The following NEK7 variants were observed in gnomAD, a reference collection of about 807,000 sequenced individuals.
NEK7 encodes NIMA related kinase 7, also known as serine/threonine-protein kinase Nek7.
In NEK7, 18 loss-of-function variants were observed where a neutral mutation model predicts 44.6. The ratio of observed to expected loss-of-function variants is 0.40; its 90% CI spans 0.28 to 0.60. The LOEUF is 0.60. Among genes scored for constraint, NEK7 ranks in the 20% least tolerant of loss-of-function variants. NEK7 has a pLI of 0.38. For synonymous variants in NEK7, 130 were observed against 121.1 expected, an observed-to-expected ratio of 1.07 and a Z score of -0.48; for missense variants, 256 against 366.5, an observed-to-expected ratio of 0.70 and a Z score of 2.46.
At chr1:198,209,888 C>T (rs1368220240) in intron 1 of NEK7, among the ~76,000 whole-genome samples, 1 of 152,124 alleles carries the variant, frequency 6.6e-6, no homozygotes, top group Admixed American at 6.5e-5. Flanking sequence ...GTGATCTCGA[C>T]TTACTGCAAC....
At chr1:198,198,171 C>T in intron 1 of NEK7, 2 of 765,570 alleles carry the variant, frequency 2.6e-6, no homozygotes, top group Non-Finnish European at 4.7e-6. Context: ...GGCTGGCCGG[C>T]ATTGGGATTC....
intron 1 of NEK7, among the ~76,000 whole-genome samples, chr1:198,175,797 G>C (rs1186432428): frequency 3.3e-5 from 5 of 152,080 alleles, no homozygotes; most frequent in African/African-American, 9.7e-5. Context: ...TCTTTCACAT[G>C]CTTGTAGGGA....
chr1:198,282,060 C>T (rs1011432468), intron 7 of NEK7, among the ~76,000 whole-genome samples: 1 of 152,052 alleles, frequency 6.6e-6, no homozygotes, highest in African/African-American at 2.4e-5. Flanking sequence ...CCTAACAGGT[C>T]TTCACTTGTT....
intron 1 of NEK7, among the ~76,000 whole-genome samples, chr1:198,226,052 A>C (rs1001422685): frequency 2.0e-5 from 3 of 152,182 alleles, no homozygotes; most frequent in South Asian, 2.1e-4. Context: ...TGGATGACAC[A>C]AATGTGTCCC....
chr1:198,194,957 C>T (rs1369549876), intron 1 of NEK7, among the ~76,000 whole-genome samples: 1 of 152,118 alleles, frequency 6.6e-6, no homozygotes, highest in Admixed American at 6.5e-5. Flanking sequence ...TCCTTTTTCT[C>T]CACAACCTTG....
At chr1:198,312,825 C>A (rs947550716) in intron 9 of NEK7, among the ~76,000 whole-genome samples, 4 of 151,808 alleles carry the variant, frequency 2.6e-5, no homozygotes, top group Non-Finnish European at 4.4e-5. Flanking sequence ...AATTTCTGTT[C>A]TTTTACATTT....
At chr1:198,165,931 A>G (rs1258371025) in intron 1 of NEK7, among the ~76,000 whole-genome samples, 1 of 152,256 alleles carries the variant, frequency 6.6e-6, no homozygotes, top group East Asian at 1.9e-4. Context: ...CTTCTACTTC[A>G]GCAATTGCTG....
chr1:198,215,356 G>A (rs960249934), intron 1 of NEK7, among the ~76,000 whole-genome samples: 1 of 152,140 alleles, frequency 6.6e-6, no homozygotes, highest in Non-Finnish European at 1.5e-5. Context: ...TGGTTTAAAT[G>A]CTCCACATAA....
chr1:198,219,864 G>GCTTCTT (rs1459556066), intron 1 of NEK7, among the ~76,000 whole-genome samples: 2 of 144,302 alleles, frequency 1.4e-5, no homozygotes. Context: ...TGGCTAATGT[G>GCTTCTT]ATGACTGCCA....
At chr1:198,271,527 T>A (rs191084698) in intron 5 of NEK7, among the ~76,000 whole-genome samples, 296 of 152,142 alleles carry the variant, frequency 1.9e-3, no homozygotes, top group Non-Finnish European at 3.3e-3. Flanking sequence ...TTTGTCCTTA[T>A]CCAAATGTAG....
chr1:198,306,844 C>T (rs1655037762), intron 9 of NEK7, among the ~76,000 whole-genome samples: 1 of 152,090 alleles, frequency 6.6e-6, no homozygotes, highest in Admixed American at 6.6e-5. Flanking sequence ...ACTAGAGTAA[C>T]AGGTCTATTT....
intron 1 of NEK7, among the ~76,000 whole-genome samples, chr1:198,202,513 G>A (rs184609156): frequency 1.3e-5 from 2 of 152,300 alleles, no homozygotes; most frequent in East Asian, 3.9e-4. Flanking sequence ...TCACTGGTGA[G>A]TGTTACCAGA....
chr1:198,302,804 T>C (rs1429593629), intron 9 of NEK7, among the ~76,000 whole-genome samples: 1 of 152,148 alleles, frequency 6.6e-6, no homozygotes, highest in Non-Finnish European at 1.5e-5. Context: ...TACATATGAG[T>C]AAGTAGAGAC....
chr1:198,226,656 C>T (rs1230632764), intron 1 of NEK7, among the ~76,000 whole-genome samples: 1 of 152,014 alleles, frequency 6.6e-6, no homozygotes, highest in African/African-American at 2.4e-5. Context: ...CAGTTCCTGC[C>T]TCATAACTCC....
intron 1 of NEK7, among the ~76,000 whole-genome samples, chr1:198,214,142 AT>A (rs1296483425): frequency 6.6e-6 from 1 of 152,234 alleles, no homozygotes; most frequent in Non-Finnish European, 1.5e-5. Context: ...CTAGATGACA[AT>A]AAAGTCACAT....
At chr1:198,186,527 T>C (rs1415226137) in intron 1 of NEK7, among the ~76,000 whole-genome samples, 1 of 152,164 alleles carries the variant, frequency 6.6e-6, no homozygotes, top group Non-Finnish European at 1.5e-5. Flanking sequence ...CAGAAGTAGC[T>C]CAAAGATACA....
intron 1 of NEK7, among the ~76,000 whole-genome samples, chr1:198,212,589 G>A (rs970271918): frequency 6.6e-6 from 1 of 152,180 alleles, no homozygotes; most frequent in African/African-American, 2.4e-5. Context: ...CTGCACGTGG[G>A]GAGCCAGAGC....
chr1:198,223,679 T>C (rs1404891842), intron 1 of NEK7, among the ~76,000 whole-genome samples: 2 of 152,192 alleles, frequency 1.3e-5, no homozygotes, highest in Non-Finnish European at 2.9e-5. Flanking sequence ...GGAAAACAAC[T>C]GACATTACTT....
At chr1:198,213,359 A>G (rs956538601) in intron 1 of NEK7, among the ~76,000 whole-genome samples, 1 of 152,210 alleles carries the variant, frequency 6.6e-6, no homozygotes. Flanking sequence ...GAAAGTCTGC[A>G]GCTCTACCCC....
Sources: allele counts gnomAD v4.1 joint callset (sites outside exome capture counted in the v4.1 genomes callset), GRCh38; gene constraint gnomAD v4.1.1; transcripts MANE v1.5; gene names NCBI Gene and HGNC (gene_info 2026-07-23, HGNC 2026-07-21).